The following SPATA31H1 variants were observed in gnomAD, a reference collection of about 807,000 sequenced individuals.
SPATA31H1 encodes spermatogenesis-associated protein 31H1.
the SPATA31H1 span, chr2:27,581,135 T>G: frequency 4.1e-5 from 66 of 1,614,048 alleles, no homozygotes; most frequent in Non-Finnish European, 5.0e-5. Flanking sequence ...CTGGTTCCCC[T>G]GTGAAGAGAA....
At chr2:27,581,208 A>G in the SPATA31H1 span, 2 of 1,614,110 alleles carry the variant, frequency 1.2e-6, no homozygotes, top group Non-Finnish European at 1.7e-6. Context: ...CAGCTTCTAT[A>G]GGGAGAGAAC....
chr2:27,582,014 TCA>T, the SPATA31H1 span: 5 of 1,613,070 alleles, frequency 3.1e-6, no homozygotes, highest in East Asian at 2.2e-5. Context: ...AGAGGAGCCG[TCA>T]CAGTCTCTTG....
chr2:27,572,769 T>A, the SPATA31H1 span: 6 of 397,228 alleles, frequency 1.5e-5, no homozygotes, highest in Admixed American at 8.9e-5. Context: ...AGAGTCGAAA[T>A]CTTCCATAGA....
At chr2:27,538,623 G>C in the SPATA31H1 span, among the ~76,000 whole-genome samples, 1 of 152,092 alleles carries the variant, frequency 6.6e-6, no homozygotes. Flanking sequence ...CTTGAGGTCA[G>C]GAGTTCGAGA....
chr2:27,537,780 G>A, the SPATA31H1 span, among the ~76,000 whole-genome samples: 1 of 152,124 alleles, frequency 6.6e-6, no homozygotes, highest in Non-Finnish European at 1.5e-5. Flanking sequence ...CTAGGAGCTC[G>A]AGGTGAAGTG....
chr2:27,579,019 T>C, the SPATA31H1 span: 1 of 1,614,128 alleles, frequency 6.2e-7, no homozygotes, highest in Non-Finnish European at 8.5e-7. Context: ...CCTGAGATTC[T>C]AGGAGTGGAT....
At chr2:27,561,511 A>G in the SPATA31H1 span, among the ~76,000 whole-genome samples, 59 of 152,198 alleles carry the variant, frequency 3.9e-4, 1 homozygote, top group African/African-American at 1.4e-3. Context: ...AATTATGCCT[A>G]TGGTTTATTT....
At chr2:27,577,382 G>A in the SPATA31H1 span, 4 of 1,614,076 alleles carry the variant, frequency 2.5e-6, no homozygotes, top group East Asian at 6.7e-5. This position sits in a 1 kb window ranked among gnomAD's most constrained non-coding sequence, Gnocchi z 4.5. Flanking sequence ...CGGAACTCAA[G>A]CATTACTTTA....
At chr2:27,570,428 C>A in the SPATA31H1 span, 1 of 398,866 alleles carries the variant, frequency 2.5e-6, no homozygotes, top group South Asian at 1.3e-4. Flanking sequence ...TGCAAGGTGT[C>A]AATTCTGCGG....
At chr2:27,567,203 A>G in the SPATA31H1 span, 3 of 632,646 alleles carry the variant, frequency 4.7e-6, no homozygotes, top group African/African-American at 5.5e-5. Context: ...ATCATGAGCC[A>G]AATTCTGTTT....
the SPATA31H1 span, chr2:27,566,975 C>T: frequency 1.4e-6 from 1 of 717,500 alleles, no homozygotes; most frequent in Non-Finnish European, 2.6e-6. Flanking sequence ...CTATTTCCCA[C>T]AAAAAGCAAT....
At chr2:27,582,573 C>T in the SPATA31H1 span, 3 of 1,515,022 alleles carry the variant, frequency 2.0e-6, no homozygotes, top group South Asian at 2.6e-5. Context: ...CTTCATCGTG[C>T]TGCCCTTTCC....
chr2:27,580,729 C>T, the SPATA31H1 span: 12 of 1,614,152 alleles, frequency 7.4e-6, no homozygotes, highest in South Asian at 1.3e-4. Flanking sequence ...AATTTGTGGG[C>T]AAGCAAAAAC....
the SPATA31H1 span, among the ~76,000 whole-genome samples, chr2:27,537,779 C>T: frequency 6.6e-6 from 1 of 151,942 alleles, no homozygotes; most frequent in Non-Finnish European, 1.5e-5. Flanking sequence ...TCTAGGAGCT[C>T]GAGGTGAAGT....
chr2:27,577,501 G>A, the SPATA31H1 span: 1 of 1,614,086 alleles, frequency 6.2e-7, no homozygotes, highest in Non-Finnish European at 8.5e-7. The surrounding 1 kb of genome is among the most constrained non-coding windows in gnomAD (Gnocchi z 4.5). Context: ...AGATCCCCAA[G>A]GCTCTGTCCT....
At chr2:27,566,985 T>G in the SPATA31H1 span, 1 of 717,596 alleles carries the variant, frequency 1.4e-6, no homozygotes, top group Non-Finnish European at 2.6e-6. Context: ...CAAAAAGCAA[T>G]CCTCTGTGTT....
chr2:27,548,218 C>T, the SPATA31H1 span, among the ~76,000 whole-genome samples: 2 of 151,768 alleles, frequency 1.3e-5, no homozygotes, highest in Non-Finnish European at 2.9e-5. Flanking sequence ...ATCTGCCCAC[C>T]TCGGCCTCCC....
the SPATA31H1 span, among the ~76,000 whole-genome samples, chr2:27,563,025 T>A: frequency 6.6e-6 from 1 of 152,150 alleles, no homozygotes; most frequent in Non-Finnish European, 1.5e-5. Context: ...TACATGGAAG[T>A]CTTCTGTATT....
chr2:27,568,475 A>C, the SPATA31H1 span: 1 of 399,036 alleles, frequency 2.5e-6, no homozygotes, highest in Non-Finnish European at 4.4e-6. Context: ...ATGTGAAAGG[A>C]ATTCCAGTGG....
Sources: allele counts gnomAD v4.1 joint callset (sites outside exome capture counted in the v4.1 genomes callset), GRCh38; gene constraint gnomAD v4.1.1; non-coding constraint Gnocchi (gnomAD v3.1); transcripts MANE v1.5; gene names NCBI Gene and HGNC (gene_info 2026-07-23, HGNC 2026-07-21).